DIAPH3: variants seen among roughly 807,000 people sequenced by gnomAD.
DIAPH3 encodes protein diaphanous homolog 3.
In DIAPH3, 117 loss-of-function variants were observed where a neutral mutation model predicts 144.3. The ratio of observed to expected loss-of-function variants is 0.81; its 90% CI spans 0.70 to 0.95. The LOEUF is 0.95. DIAPH3 is among the 40% of genes least tolerant of loss of function. The probability of loss-of-function intolerance (pLI) is 0.00; values close to 1 mark genes in which losing one functional copy is unlikely to be tolerated. For missense variants in DIAPH3, 1,421 were observed against 1,412.7 expected (o/e 1.01, Z -0.09); for synonymous variants, 519 against 488.9 (o/e 1.06, Z -0.81).
intron 21 of DIAPH3, among the ~76,000 whole-genome samples, chr13:59,864,539 C>T (rs1201498705): frequency 1.3e-5 from 2 of 152,000 alleles, no homozygotes; most frequent in Admixed American, 1.3e-4. Flanking sequence ...TGTGATATAG[C>T]TAAACAGCCA....
chr13:60,093,575 T>C, intron 4 of DIAPH3, 53 bp downstream of exon 4: 1 of 1,250,596 alleles, frequency 8.0e-7, no homozygotes, highest in Non-Finnish European at 1.2e-6. Flanking sequence ...ATGTGCTGTT[T>C]TCCATGTTAA....
intron 3 of DIAPH3, among the ~76,000 whole-genome samples, chr13:60,098,638 T>C (rs939239620): frequency 1.3e-5 from 2 of 151,812 alleles, no homozygotes; most frequent in African/African-American, 4.8e-5. Context: ...GAAACACATA[T>C]AGCTGACCTT....
chr13:59,903,852 G>A (rs2046586132), intron 20 of DIAPH3, among the ~76,000 whole-genome samples: 1 of 152,108 alleles, frequency 6.6e-6, no homozygotes, highest in Non-Finnish European at 1.5e-5. Context: ...ACATGTATAT[G>A]TTATGTGGCA....
At chr13:59,788,660 T>C (rs2039161949) in intron 25 of DIAPH3, among the ~76,000 whole-genome samples, 2 of 152,208 alleles carry the variant, frequency 1.3e-5, no homozygotes, top group African/African-American at 4.8e-5. Flanking sequence ...ATGACATCCA[T>C]ATACCAGAAT....
intron 17 of DIAPH3, among the ~76,000 whole-genome samples, chr13:59,936,302 C>T (rs1164191587): frequency 6.6e-6 from 1 of 152,094 alleles, no homozygotes; most frequent in Non-Finnish European, 1.5e-5. Flanking sequence ...TGCTTAATAT[C>T]CAAGGACCTT....
At chr13:60,070,708 T>C (rs929054610) in intron 4 of DIAPH3, among the ~76,000 whole-genome samples, 2 of 152,154 alleles carry the variant, frequency 1.3e-5, no homozygotes, top group African/African-American at 4.8e-5. Context: ...CAAAAAGAAA[T>C]CTGACTAACA....
At position 60,083,745 on chromosome 13, in the gene DIAPH3, A is replaced by T. The variant is rs1452957389; in HGVS notation, c.495+9883T>A. 3.3e-5 allele frequency among the ~76,000 whole-genome samples: 5 copies of T among 152,198 alleles called. No individual in the cohort carries two copies. The South Asian group carries it at 1.0e-3, about 32-fold the overall frequency. On this transcript the variant is annotated intron_variant, in intron 4 of 27. Transcript: ENST00000400324. ...CCAAGGGACTCCCTCTCAAAAAAAA[A>T]TTTTAAATAAAGACCAAGCACGGTG...
At chr13:59,667,203 A>G (rs1186719241) in intron 27 of DIAPH3, among the ~76,000 whole-genome samples, 2 of 152,190 alleles carry the variant, frequency 1.3e-5, no homozygotes, top group Non-Finnish European at 2.9e-5. Flanking sequence ...CATCTAAAAT[A>G]GCATTTGCCC....
At chr13:59,712,959 T>A (rs548243942) in intron 27 of DIAPH3, among the ~76,000 whole-genome samples, 4 of 152,164 alleles carry the variant, frequency 2.6e-5, no homozygotes, top group Admixed American at 2.6e-4. Context: ...AATACACAAC[T>A]ATATATCTCG....
At chr13:59,801,318 C>T (rs984449187) in intron 25 of DIAPH3, among the ~76,000 whole-genome samples, 1 of 152,180 alleles carries the variant, frequency 6.6e-6, no homozygotes, top group African/African-American at 2.4e-5. Context: ...TTAGAATCTT[C>T]AAACTAATTG....
intron 2 of DIAPH3, among the ~76,000 whole-genome samples, chr13:60,131,480 T>C (rs1454795173): frequency 7.1e-6 from 1 of 140,602 alleles, no homozygotes; most frequent in Admixed American, 7.2e-5. Context: ...TACTGATACA[T>C]GCAACAATGT....
At chr13:59,808,018 T>C (rs1285830123) in intron 25 of DIAPH3, among the ~76,000 whole-genome samples, 4 of 151,796 alleles carry the variant, frequency 2.6e-5, no homozygotes, top group Non-Finnish European at 4.4e-5. Flanking sequence ...AATATATGAT[T>C]AAGGGAAGAT....
intron 14 of DIAPH3, among the ~76,000 whole-genome samples, chr13:59,978,879 G>A (rs553949692): frequency 6.6e-6 from 1 of 151,760 alleles, no homozygotes; most frequent in African/African-American, 2.4e-5. Context: ...ATGTATTAGT[G>A]CATCTGTACA....
chr13:59,861,489 GA>G lies in DIAPH3; in HGVS notation c.2654del (p.Phe885SerfsTer3), dbSNP rs2043583907. On this transcript the variant is annotated frameshift_variant, in exon 22 of 28. Transcript: ENST00000400324. LOFTEE classifies it high-confidence loss of function. Reference sequence around the variant, plus strand: ...ACTTCTCTTCACATATTTCTACCAGGAAATGAAGTAGCGTTGTTTTCTGATC... The same window carrying G: ...ACTTCTCTTCACATATTTCTACCAGGAATGAAGTAGCGTTGTTTTCTGATC... ...SADQKTTLLH[F>X]LVEICEEKYP... 6.2e-7 allele frequency: 1 copy of G among 1,613,678 alleles called. No homozygotes were observed. The highest frequency in any genetic ancestry group is 1.3e-5 in the African/African-American group (1 of 74,974).
intron 1 of DIAPH3, among the ~76,000 whole-genome samples, chr13:60,155,108 C>A (rs1951959802): frequency 6.6e-6 from 1 of 152,130 alleles, no homozygotes; most frequent in African/African-American, 2.4e-5. Flanking sequence ...AAAAGCATGA[C>A]AAATTTTAGC....
chr13:60,007,338 A>G (rs2140928869), intron 9 of DIAPH3, among the ~76,000 whole-genome samples: 1 of 152,278 alleles, frequency 6.6e-6, no homozygotes, highest in East Asian at 1.9e-4. Context: ...GGCATGAGCC[A>G]CCGCGCCCAG....
intron 18 of DIAPH3, among the ~76,000 whole-genome samples, chr13:59,921,271 T>G (rs893328361): frequency 9.2e-6 from 1 of 108,432 alleles, no homozygotes; most frequent in Admixed American, 9.0e-5. Context: ...GACCAGAAAA[T>G]ACCAAAAAAA....
At chr13:59,953,377 A>G (rs1212768857) in intron 17 of DIAPH3, among the ~76,000 whole-genome samples, 2 of 152,146 alleles carry the variant, frequency 1.3e-5, no homozygotes, top group African/African-American at 4.8e-5. Flanking sequence ...CATTTTCCAG[A>G]TACTGAGAAA....
At chr13:59,845,115 G>A (rs888965981) in intron 22 of DIAPH3, among the ~76,000 whole-genome samples, 3 of 150,150 alleles carry the variant, frequency 2.0e-5, no homozygotes, top group Admixed American at 1.3e-4. Context: ...GTGTGATCTC[G>A]GCTCACTGCA....
Sources: gnomAD v4.1 joint callset for allele counts (sites outside exome capture counted in the v4.1 genomes callset) on GRCh38, gnomAD v4.1.1 for gene constraint, MANE v1.5 for transcripts, NCBI Gene and HGNC (gene_info 2026-07-23, HGNC 2026-07-21) for gene names.